The following MACF1 variants were observed in gnomAD, a reference collection of about 807,000 sequenced individuals.
The protein encoded by MACF1 is microtubule-actin cross-linking factor 1.
Under a neutral mutation model 854.8 loss-of-function variants are expected in MACF1, and 193 were observed. The observed-to-expected ratio is 0.23, with a 90% confidence interval of 0.20 to 0.25. The LOEUF (loss-of-function observed/expected upper bound fraction) is 0.25, where lower values mean the gene tolerates loss of function less well. MACF1 is among the 10% of genes least tolerant of loss of function. MACF1 has a pLI of 1.00. For synonymous variants in MACF1, 3,185 were observed against 3,226.7 expected (o/e 0.99, Z 0.44); for missense variants, 7,722 against 8,929.1 (o/e 0.86, Z 5.45).
chr1:39,356,070 C>T (rs1647537116), intron 44 of MACF1, among the ~76,000 whole-genome samples: 1 of 152,106 alleles, frequency 6.6e-6, no homozygotes, highest in Non-Finnish European at 1.5e-5. Flanking sequence ...GTGGCATAAA[C>T]AGTATAGGTA....
chr1:39,446,601 G>A (rs970322896), intron 80 of MACF1, among the ~76,000 whole-genome samples: 1 of 151,976 alleles, frequency 6.6e-6, no homozygotes, highest in South Asian at 2.1e-4. Flanking sequence ...AACGTTTTTG[G>A]TGTACATCTT....
At position 39,417,408 on chromosome 1, in the gene MACF1, T is replaced by TA. The variant is rs1314750311; in HGVS notation, c.15817-4966_15817-4965insA. ...AGATTACAATTTGCCAAGGGAGTCT[T>TA]TTTAAGCAAAAATTGGAGAGCACCA... On this transcript the variant is annotated intron_variant, in intron 58 of 100. Coordinates refer to ENST00000564288, the MANE Select transcript of MACF1 (RefSeq NM_001394062.1). Among the ~76,000 whole-genome samples the TA allele has an allele frequency of 2.0e-5, 3 of 152,166 alleles. No individual in the cohort carries two copies. The South Asian group carries it at 6.2e-4, about 32-fold the overall frequency.
At chr1:39,396,726 G>A (rs1569878486) in intron 58 of MACF1, among the ~76,000 whole-genome samples, 2 of 152,190 alleles carry the variant, frequency 1.3e-5, no homozygotes, top group South Asian at 2.1e-4. Context: ...TTGAAGGGCC[G>A]TTTATTGTTA....
intron 2 of MACF1, among the ~76,000 whole-genome samples, chr1:39,135,606 A>T (rs1643145837): frequency 6.6e-6 from 1 of 152,146 alleles, no homozygotes; most frequent in African/African-American, 2.4e-5. Context: ...TGGGGAGAAG[A>T]GGATGAAGTA....
Position 39,430,856 on chromosome 1 carries a change from C to T in MACF1, c.17285C>T (p.Thr5762Ile), listed in dbSNP as rs761229899. ...GAGCAGTACAAACTAGTCAGTGACACTATTGGACAAAGGGTGGATGAAATT... is the reference window on the plus strand; with the variant it reads ...GAGCAGTACAAACTAGTCAGTGACATTATTGGACAAAGGGTGGATGAAATT... ...ANEQYKLVSD[T>I]IGQRVDEIDA... The change falls in exon 66 of 101, where the codon ACT becomes ATT. Residue 5762 changes from threonine to isoleucine, a missense_variant. Thr to Ile is a moderately conservative substitution (Grantham distance 89). Around this residue, in one of 15 missense-constraint regions of MACF1, gnomAD observed 2,807 missense variants for 3,235.8 expected, o/e 0.87. Coordinates refer to ENST00000564288, the MANE Select transcript of MACF1 (RefSeq NM_001394062.1). The T allele has an allele frequency of 3.1e-6, 5 of 1,612,638 alleles. No homozygotes were observed. The highest frequency in any genetic ancestry group is 3.4e-6 in the Non-Finnish European group (4 of 1,179,986).
intron 2 of MACF1, among the ~76,000 whole-genome samples, chr1:39,091,165 C>A (rs71642673): frequency 6.6e-6 from 1 of 152,050 alleles, no homozygotes; most frequent in African/African-American, 2.4e-5. Flanking sequence ...CCAGAAGATA[C>A]CAGGCTTTTG....
At chr1:39,444,874 G>A (rs368556553) in intron 80 of MACF1, 39 bp downstream of exon 80, 30 of 1,499,638 alleles carry the variant, frequency 2.0e-5, no homozygotes, top group Non-Finnish European at 2.4e-5. Context: ...AATTTGCTGA[G>A]TGATTGCATG....
intron 50 of MACF1, 47 bp from the exon 51 acceptor site, chr1:39,369,983 C>A: frequency 6.4e-7 from 1 of 1,564,658 alleles, no homozygotes; most frequent in Non-Finnish European, 8.7e-7. Context: ...CTCAAGTTGA[C>A]TTTATAAAAC....
intron 6 of MACF1, among the ~76,000 whole-genome samples, chr1:39,271,180 A>T (rs981531454): frequency 1.3e-5 from 2 of 152,184 alleles, no homozygotes; most frequent in African/African-American, 4.8e-5. Context: ...TTTACAAAGT[A>T]AAGAGGTTTA....
intron 23 of MACF1, among the ~76,000 whole-genome samples, chr1:39,306,199 G>T (rs548969017): frequency 6.7e-6 from 1 of 148,390 alleles, no homozygotes; most frequent in Admixed American, 6.8e-5. Flanking sequence ...TCCCTCTGTC[G>T]CCCAGGCTGG....
chr1:39,332,876 G>A lies in MACF1; in HGVS notation c.6288G>A (p.Lys2096=), dbSNP rs1199281097. ...KERNPNIDAL[K]VINKVKLEVQ... Reference sequence around the variant, plus strand: ...GAAATCCAAACATTGATGCTTTGAAGGTAATAAATAAAGTCAAATTAGAGG... The same window carrying A: ...GAAATCCAAACATTGATGCTTTGAAAGTAATAAATAAAGTCAAATTAGAGG... Residue 2096 remains lysine, a synonymous_variant, in exon 37 of 101, where the codon AAG becomes AAA. Transcript: ENST00000564288. The A allele has an allele frequency of 1.2e-6, 2 of 1,614,090 alleles. No individual in the cohort carries two copies. The highest frequency in any genetic ancestry group is 1.7e-6 in the Non-Finnish European group (2 of 1,180,028).
chr1:39,122,520 T>G (rs1251470916), intron 2 of MACF1, among the ~76,000 whole-genome samples: 3 of 152,170 alleles, frequency 2.0e-5, no homozygotes, highest in Non-Finnish European at 4.4e-5. Context: ...CCCAAAGTGC[T>G]GGGATTACAG....
Position 39,300,311 on chromosome 1 carries a change from G to A in MACF1, c.2583G>A (p.Val861=). The A allele has an allele frequency of 6.2e-7, 1 of 1,614,044 alleles. No homozygotes were observed. Among genetic ancestry groups the A allele is most frequent in the Non-Finnish European group, 8.5e-7 (1 of 1,180,014 alleles). The change falls in exon 22 of 101, where the codon GTG becomes GTA. Residue 861 remains valine (V), a synonymous_variant. Coordinates refer to ENST00000564288, the MANE Select transcript of MACF1 (RefSeq NM_001394062.1). ...TAAAACCACGCAGTCCAGACCATGT[G>A]TTAAAGAACACCATTTCTGTCAAGG... is the stretch of plus-strand genomic sequence containing the variant. ...VQLKPRSPDH[V]LKNTISVKAV...
At chr1:39,143,102 T>A (rs1193202127) in intron 2 of MACF1, among the ~76,000 whole-genome samples, 2 of 152,226 alleles carry the variant, frequency 1.3e-5, no homozygotes, top group African/African-American at 4.8e-5. Flanking sequence ...CCAAATGGAA[T>A]GGCAGATCAG....
chr1:39,238,099 G>A (rs558642613), intron 2 of MACF1, among the ~76,000 whole-genome samples: 2 of 152,126 alleles, frequency 1.3e-5, no homozygotes, highest in East Asian at 3.9e-4. Context: ...TTTAAAAATT[G>A]CCAGAGGGAG....
chr1:39,201,622 G>A (rs1644390787), upstream of MACF1, among the ~76,000 whole-genome samples: 1 of 152,100 alleles, frequency 6.6e-6, no homozygotes, highest in South Asian at 2.1e-4. Context: ...AAAGTGCTGG[G>A]ATTACAGGCG....
intron 1 of MACF1, among the ~76,000 whole-genome samples, chr1:39,225,578 A>G (rs1332095318): frequency 1.3e-5 from 2 of 152,234 alleles, no homozygotes; most frequent in Admixed American, 1.3e-4. Context: ...AATAAGGTTT[A>G]AAGTGTTAAA....
chr1:39,300,432 G>T, intron 22 of MACF1, 70 bp downstream of exon 22: 1 of 1,425,276 alleles, frequency 7.0e-7, no homozygotes, highest in Non-Finnish European at 9.4e-7. Flanking sequence ...TTCAGTTAGG[G>T]TTATGATGAT....
intron 85 of MACF1, 67 bp downstream of exon 85, chr1:39,451,278 C>G: frequency 7.0e-7 from 1 of 1,429,876 alleles, no homozygotes; most frequent in African/African-American, 1.4e-5. Flanking sequence ...CTAGGGTCTT[C>G]TACATATGAC....
Sources: allele counts gnomAD v4.1 joint callset (sites outside exome capture counted in the v4.1 genomes callset), GRCh38; gene constraint gnomAD v4.1.1; regional missense constraint gnomAD v4.1.1; transcripts MANE v1.5; gene names NCBI Gene and HGNC (gene_info 2026-07-23, HGNC 2026-07-21).